GOLGA5: variants seen among roughly 807,000 people sequenced by gnomAD.
GOLGA5 encodes golgin A5, also known as golgin subfamily A member 5.
In GOLGA5, 50 loss-of-function variants were observed where a neutral mutation model predicts 93.5. The observed-to-expected ratio is 0.53, with a 90% confidence interval of 0.43 to 0.68. The LOEUF (loss-of-function observed/expected upper bound fraction) is 0.68. Among genes scored for constraint, GOLGA5 ranks in the 30% least tolerant of loss-of-function variants. GOLGA5 has a pLI of 0.00. For missense variants in GOLGA5, 760 were observed against 856.4 expected (o/e 0.89, Z 1.40); for synonymous variants, 312 against 304.5 (o/e 1.02, Z -0.26).
At chr14:92,801,543 C>T (rs1465300386) in intron 2 of GOLGA5, among the ~76,000 whole-genome samples, 3 of 151,834 alleles carry the variant, frequency 2.0e-5, no homozygotes, top group Non-Finnish European at 4.4e-5. Flanking sequence ...AAATTCTTTT[C>T]CTCCTCCAGT....
intron 2 of GOLGA5, among the ~76,000 whole-genome samples, chr14:92,801,627 T>C (rs1884872768): frequency 1.3e-5 from 2 of 152,164 alleles, no homozygotes; most frequent in African/African-American, 4.8e-5. Context: ...AGATGGCATG[T>C]GGCTTGTGTT....
rs778989054 is a variant in GOLGA5, at chr14:92,809,288, A to AT, written c.773-6dup. On this transcript the variant is annotated splice_polypyrimidine_tract_variant and intron_variant, in intron 3 of 12. Transcript: ENST00000163416. The stretch of plus-strand genomic sequence containing the variant: ...GTTTTGCTTGTATAGAGAAATTTAA[A>AT]TTTTTTAATAGAATTAAACAAAGCA... The AT allele has an allele frequency of 1.3e-6, 2 of 1,575,328 alleles. No homozygotes were observed. Among genetic ancestry groups the AT allele is most frequent in the Non-Finnish European group, 1.7e-6 (2 of 1,146,950 alleles).
chr14:92,837,005 A>G (rs1000625676), intron 11 of GOLGA5, among the ~76,000 whole-genome samples: 4 of 151,790 alleles, frequency 2.6e-5, no homozygotes, highest in Admixed American at 2.6e-4. Context: ...CAGGAAGCAG[A>G]GGTTGCCGTG....
chr14:92,816,489 G>C, intron 7 of GOLGA5, 68 bp downstream of exon 7: 1 of 1,314,870 alleles, frequency 7.6e-7, no homozygotes, highest in Non-Finnish European at 1.1e-6. Context: ...TTGAGAGGTG[G>C]GGAAACAGCA....
At position 92,839,675 on chromosome 14, in the gene GOLGA5, C is replaced by CTGAG. The variant is rs1162290564; in HGVS notation, c.*231_*234dup. 5.2e-6 allele frequency: 3 copies of CTGAG among 571,442 alleles called. No individual in the cohort carries two copies. Among genetic ancestry groups the CTGAG allele is most frequent in the African/African-American group, 3.7e-5 (2 of 53,386 alleles). 35.4% of individuals were successfully genotyped at this position (571,442 alleles called of 1,614,324 possible). A position where few individuals can be genotyped will look rare whatever the true frequency, so the allele number is the denominator to read the frequency against. On this transcript the variant is annotated 3_prime_UTR_variant, in exon 13 of 13. Transcript: ENST00000163416. ...TTTAACAAGCTCAGCTCTGCTTTATCTGAGTTTAGTGGTCCTAATATATAT... is the reference window on the plus strand; with the variant it reads ...TTTAACAAGCTCAGCTCTGCTTTATCTGAGTGAGTTTAGTGGTCCTAATATATAT...
At chr14:92,833,027 A>G in intron 9 of GOLGA5, 95 bp from the exon 10 acceptor site, 1 of 750,560 alleles carries the variant, frequency 1.3e-6, no homozygotes, top group Non-Finnish European at 2.3e-6. Context: ...AAATCAATGA[A>G]TGCCACAATT....
In GOLGA5 at chr14:92,803,997, C is replaced by T. The variant is rs570186915; in HGVS notation, c.545-2739C>T. Among the ~76,000 whole-genome samples, 3 of 152,202 alleles carry T rather than the reference C, an allele frequency of 2.0e-5. No individual in the cohort carries two copies. In the East Asian group the frequency reaches 5.8e-4, roughly 29 times the overall value. On this transcript the variant is annotated intron_variant, in intron 2 of 12. Transcript: ENST00000163416. ...GGAACCACTTTTGGTTATGCTGATC[C>T]TCTCTAGTATGTTTATTTCCTCTTT...
intron 11 of GOLGA5, 21 bp downstream of exon 11, chr14:92,835,685 TGAGTGATGGACCATCA>T: frequency 7.2e-7 from 1 of 1,397,964 alleles, no homozygotes; most frequent in Middle Eastern, 1.8e-4. Flanking sequence ...CCAGTAGGGA[TGAGTGATGGACCATCA>T]GCTGTTTTTA....
chr14:92,832,001 T>A (rs4904993), intron 9 of GOLGA5, among the ~76,000 whole-genome samples: 122,853 of 152,190 alleles, frequency 0.81, 50,125 homozygotes, highest in African/African-American at 0.91. Context: ...CTTTTTTCAA[T>A]ACTGTATTGA....
intron 7 of GOLGA5, 131 bp downstream of exon 7, chr14:92,816,552 T>G: frequency 1.0e-5 from 7 of 667,748 alleles, no homozygotes; most frequent in Non-Finnish European, 1.3e-5. Context: ...GCTTCTCTTC[T>G]CTTCCTCCTC....
intron 2 of GOLGA5, among the ~76,000 whole-genome samples, chr14:92,805,060 C>G (rs984552166): frequency 6.6e-6 from 1 of 152,162 alleles, no homozygotes; most frequent in African/African-American, 2.4e-5. Flanking sequence ...AAGATGCACA[C>G]AAATCTTAGC....
Position 92,839,511 on chromosome 14 carries a change from A to G in GOLGA5, c.*65A>G, listed in dbSNP as rs1358441073. The G allele has an allele frequency of 8.0e-6, 8 of 997,680 alleles. No homozygotes were observed. The highest frequency in any genetic ancestry group is 1.1e-5 in the Non-Finnish European group (7 of 631,204). The allele number at this position is 997,680 out of a possible 1,614,324, so 61.8% of individuals were successfully genotyped here. On this transcript the variant is annotated 3_prime_UTR_variant, in exon 13 of 13. Coordinates refer to ENST00000163416, the MANE Select transcript of GOLGA5 (RefSeq NM_005113.4). ...AGACTTGGGATCTGCAAGAAGGCCAATTGCCTAAAATTTCTGAGAACAGTG... is the reference window on the plus strand; with the variant it reads ...AGACTTGGGATCTGCAAGAAGGCCAGTTGCCTAAAATTTCTGAGAACAGTG...
chr14:92,830,616 G>T (rs1323511438), intron 9 of GOLGA5, among the ~76,000 whole-genome samples: 1 of 151,794 alleles, frequency 6.6e-6, no homozygotes, highest in African/African-American at 2.4e-5. Context: ...GTTGTTTTTG[G>T]GAGACAGGAT....
chr14:92,827,840 C>G (rs1170461396), intron 9 of GOLGA5, among the ~76,000 whole-genome samples: 1 of 152,178 alleles, frequency 6.6e-6, no homozygotes, highest in South Asian at 2.1e-4. Flanking sequence ...TTTGAGTGGT[C>G]TGGATAGATC....
chr14:92,801,735 C>CTTTTTTTTTT (rs11388778), intron 2 of GOLGA5, among the ~76,000 whole-genome samples: 1 of 143,258 alleles, frequency 7.0e-6, no homozygotes, highest in African/African-American at 2.6e-5. Context: ...TTCCCTTTTT[C>CTTTTTTTTTT]TTTTTTTTTT....
intron 1 of GOLGA5, among the ~76,000 whole-genome samples, chr14:92,796,032 C>A (rs1884719376): frequency 1.3e-5 from 2 of 152,172 alleles, no homozygotes; most frequent in Non-Finnish European, 2.9e-5. Flanking sequence ...AGTGGTTATG[C>A]AATTTTGGTT....
At chr14:92,838,871 G>A (rs1200010554) in intron 12 of GOLGA5, among the ~76,000 whole-genome samples, 3 of 152,116 alleles carry the variant, frequency 2.0e-5, no homozygotes, top group Admixed American at 6.5e-5. Context: ...ATGGAATCTC[G>A]TATCATTTCG....
intron 9 of GOLGA5, among the ~76,000 whole-genome samples, chr14:92,825,959 A>C (rs909955517): frequency 9.9e-5 from 15 of 151,980 alleles, no homozygotes; most frequent in African/African-American, 3.6e-4. Flanking sequence ...GTTCAAGATC[A>C]GCCTGGGCAA....
intron 2 of GOLGA5, among the ~76,000 whole-genome samples, chr14:92,802,676 C>G (rs960298178): frequency 3.3e-5 from 5 of 151,470 alleles, no homozygotes; most frequent in Non-Finnish European, 5.9e-5. Flanking sequence ...TTCCTCTACC[C>G]TTGGAGATAA....
Sources: gnomAD v4.1 joint callset for allele counts (sites outside exome capture counted in the v4.1 genomes callset) on GRCh38, gnomAD v4.1.1 for gene constraint, MANE v1.5 for transcripts, NCBI Gene and HGNC (gene_info 2026-07-23, HGNC 2026-07-21) for gene names.